Variants in MRPL30 observed in about 807,000 individuals in gnomAD.
MRPL30 encodes mitochondrial ribosomal protein L30.
MRPL30 carries 10 observed loss-of-function variants against 17.2 expected under a neutral mutation model. The ratio of observed to expected loss-of-function variants is 0.58; its 90% CI spans 0.36 to 0.99. MRPL30 has a LOEUF of 0.99. MRPL30 is among the 50% of genes least tolerant of loss of function. MRPL30 has a pLI of 0.01. For missense variants in MRPL30, 170 were observed against 189.8 expected (o/e 0.90, Z 0.61); for synonymous variants, 61 against 62.1 (o/e 0.98, Z 0.08).
At chr2:99,195,317 T>TA in intron 5 of MRPL30, 128 bp downstream of exon 5, 1 of 917,626 alleles carries the variant, frequency 1.1e-6, no homozygotes, top group East Asian at 2.8e-5. Flanking sequence ...TGTTTTTTTT[T>TA]AATTGACACA....
intron 1 of MRPL30, among the ~76,000 whole-genome samples, chr2:99,185,292 G>C (rs1189156829): frequency 6.6e-6 from 1 of 152,110 alleles, no homozygotes; most frequent in East Asian, 1.9e-4. Flanking sequence ...AGTTTTAAGA[G>C]TATTCTTATT....
intron 1 of MRPL30, among the ~76,000 whole-genome samples, chr2:99,184,109 G>A (rs1476830788): frequency 1.3e-5 from 2 of 151,912 alleles, no homozygotes; most frequent in Non-Finnish European, 2.9e-5. Flanking sequence ...TTTTGGTTTG[G>A]ATTATAAGCC....
rs146212853 is a variant in MRPL30 at position 99,188,517 on chromosome 2, T to A, written c.132+260T>A. Among the ~76,000 whole-genome samples the A allele has an allele frequency of 6.7e-3, 1,024 of 152,300 alleles. 15 individuals carry two copies. Among genetic ancestry groups the A allele is most frequent in the African/African-American group, 0.024 (991 of 41,554 alleles). ...TATTCCTGCTTGTGGTTTGTACATG[T>A]GTGTTGGTATCACCATTGTCCTGAG... On this transcript the variant is annotated intron_variant, in intron 3 of 5. Transcript: ENST00000338148.
intron 3 of MRPL30, among the ~76,000 whole-genome samples, chr2:99,191,903 T>C (rs575569429): frequency 6.6e-6 from 1 of 152,308 alleles, no homozygotes; most frequent in East Asian, 1.9e-4. Flanking sequence ...CCAAAATATT[T>C]TGTGCTCCTT....
chr2:99,183,173 G>GA (rs1488164418), intron 1 of MRPL30, among the ~76,000 whole-genome samples: 1 of 151,974 alleles, frequency 6.6e-6, no homozygotes, highest in Non-Finnish European at 1.5e-5. Context: ...TCAAACAAGG[G>GA]GGGCAGCATG....
Position 99,195,805 on chromosome 2 carries a change from C to G in MRPL30, c.*100C>G. 2.6e-6 allele frequency: 4 copies of G among 1,551,076 alleles called. No individual in the cohort carries two copies. The highest frequency in any genetic ancestry group is 3.5e-6 in the Non-Finnish European group (4 of 1,146,884). On this transcript the variant is annotated 3_prime_UTR_variant, in exon 6 of 6. Coordinates refer to ENST00000338148, the MANE Select transcript of MRPL30 (RefSeq NM_145212.4). ...TATGTTTTCAAAACCATTTTCAGGC[C>G]GGGCACGGTGGCTCACCTGTAATCC... is the stretch of plus-strand genomic sequence containing the variant.
intron 5 of MRPL30, 169 bp downstream of exon 5, chr2:99,195,358 GT>G (rs2093953408): frequency 2.7e-6 from 2 of 738,676 alleles, no homozygotes; most frequent in Non-Finnish European, 4.3e-6. Context: ...GGGGTACATA[GT>G]GACGTTTCAA....
chr2:99,191,009 C>CTT (rs751744932), intron 3 of MRPL30, among the ~76,000 whole-genome samples: 5 of 143,932 alleles, frequency 3.5e-5, no homozygotes, highest in Admixed American at 7.0e-5. Flanking sequence ...CCCTGACTAT[C>CTT]TTTTTTTTTT....
intron 3 of MRPL30, among the ~76,000 whole-genome samples, chr2:99,192,712 TTATAG>T (rs1306177385): frequency 5.9e-5 from 9 of 152,232 alleles, no homozygotes; most frequent in African/African-American, 2.2e-4. Context: ...GCATGTGTCT[TTATAG>T]TAGAATGATT....
chr2:99,189,814 TC>T (rs2093941340), intron 3 of MRPL30, among the ~76,000 whole-genome samples: 1 of 152,216 alleles, frequency 6.6e-6, no homozygotes, highest in Non-Finnish European at 1.5e-5. Context: ...AGTGTGCTAT[TC>T]AATGGCATTA....
rs932596982 is a variant in MRPL30, at chr2:99,198,309, G to C, written c.*2604G>C. Among the ~76,000 whole-genome samples the C allele has an allele frequency of 1.3e-5, 2 of 152,188 alleles. No individual in the cohort carries two copies. Among genetic ancestry groups the C allele is most frequent in the African/African-American group, 4.8e-5 (2 of 41,448 alleles). Reference sequence around the variant, plus strand: ...GTGCTGGAAAAACGTGTCTGGCCAGGTGCTCATTGTAGCTTTGACAGGGAA... The same window carrying C: ...GTGCTGGAAAAACGTGTCTGGCCAGCTGCTCATTGTAGCTTTGACAGGGAA... On this transcript the variant is annotated 3_prime_UTR_variant, in exon 6 of 6. Coordinates refer to ENST00000338148, the MANE Select transcript of MRPL30 (RefSeq NM_145212.4).
chr2:99,194,944 A>C, intron 4 of MRPL30, 47 bp downstream of exon 4: 1 of 1,484,786 alleles, frequency 6.7e-7, no homozygotes, highest in South Asian at 1.3e-5. Flanking sequence ...CATTGCTTTA[A>C]ATTTTATACT....
intron 2 of MRPL30, among the ~76,000 whole-genome samples, 176 bp downstream of exon 2, chr2:99,186,430 T>G (rs895695319): frequency 6.6e-6 from 1 of 152,158 alleles, no homozygotes; most frequent in African/African-American, 2.4e-5. Context: ...CCTCCCTGAT[T>G]CAAGCAATTC....
intron 3 of MRPL30, among the ~76,000 whole-genome samples, chr2:99,188,938 T>C (rs2093939167): frequency 6.6e-6 from 1 of 152,230 alleles, no homozygotes. Context: ...TGATCTCAAG[T>C]GATCCACCCG....
At chr2:99,193,905 G>A (rs1038453254) in intron 3 of MRPL30, among the ~76,000 whole-genome samples, 2 of 152,048 alleles carry the variant, frequency 1.3e-5, no homozygotes, top group Non-Finnish European at 1.5e-5. Flanking sequence ...GGGCACGGTG[G>A]TGTGCGCCTG....
intron 3 of MRPL30, among the ~76,000 whole-genome samples, chr2:99,188,961 A>G (rs907887562): frequency 2.6e-5 from 4 of 152,206 alleles, no homozygotes; most frequent in African/African-American, 9.6e-5. Context: ...TTGGCCTCCC[A>G]AAGTGCTGGG....
intron 2 of MRPL30, among the ~76,000 whole-genome samples, chr2:99,187,282 A>G (rs2093935590): frequency 2.0e-5 from 3 of 152,220 alleles, no homozygotes; most frequent in Admixed American, 2.0e-4. Flanking sequence ...TTGGCAGTGA[A>G]TCCTTTTTCT....
Position 99,195,152 on chromosome 2 carries a change from G to C in MRPL30, c.316G>C (p.Val106Leu). 1 of 1,605,574 alleles carries C rather than the reference G, an allele frequency of 6.2e-7. No homozygotes were observed. The change falls in exon 5 of 6, where the codon GTG (valine) becomes CTG (leucine). Residue 106 changes from valine (V) to leucine (L), a missense_variant. Val to Leu is a conservative substitution (Grantham distance 32, BLOSUM62 1). Coordinates refer to ENST00000338148, the MANE Select transcript of MRPL30 (RefSeq NM_145212.4). ...TCAAGTTCACAAGAATATCCCTTCA[G>C]TGAATGCAAAATTGAAAGTAGTTAA... ...TPQVHKNIPS[V>L]NAKLKVVKHL...
chr2:99,184,509 A>G (rs1458748104), intron 1 of MRPL30, among the ~76,000 whole-genome samples: 2 of 152,188 alleles, frequency 1.3e-5, no homozygotes, highest in African/African-American at 4.8e-5. Flanking sequence ...GCTTATATGT[A>G]ACCTCCCACT....
Sources: allele counts gnomAD v4.1 joint callset (sites outside exome capture counted in the v4.1 genomes callset), GRCh38; gene constraint gnomAD v4.1.1; transcripts MANE v1.5; gene names NCBI Gene and HGNC (gene_info 2026-07-23, HGNC 2026-07-21).